The following KIAA0319L variants were observed in gnomAD, a reference collection of about 807,000 sequenced individuals.
KIAA0319L encodes the protein KIAA0319 like.
A neutral mutation model predicts 120.1 loss-of-function variants in KIAA0319L; 55 were observed. That is an observed-to-expected ratio of 0.46 (90% CI 0.37 to 0.57). The LOEUF is 0.57. Among genes scored for constraint, KIAA0319L ranks in the 20% least tolerant of loss-of-function variants. The pLI is 0.00. For synonymous variants in KIAA0319L, 398 were observed against 471.9 expected (o/e 0.84, Z 2.03); for missense variants, 1,049 against 1,255.3 (o/e 0.84, Z 2.48).
chr1:35,498,337 G>GA (rs1016859388), intron 3 of KIAA0319L, among the ~76,000 whole-genome samples: 201 of 138,954 alleles, frequency 1.4e-3, no homozygotes, highest in Admixed American at 1.8e-3. Flanking sequence ...CCCATCTCGG[G>GA]AAAAAAAAAA....
chr1:35,554,087 G>A (rs925182697), intron 2 of KIAA0319L, among the ~76,000 whole-genome samples: 1 of 152,144 alleles, frequency 6.6e-6, no homozygotes, highest in African/African-American at 2.4e-5. Flanking sequence ...GTCATTAAGT[G>A]GAAATACCCA....
intron 2 of KIAA0319L, among the ~76,000 whole-genome samples, chr1:35,531,991 T>C (rs916693343): frequency 2.0e-5 from 3 of 152,048 alleles, no homozygotes; most frequent in Non-Finnish European, 4.4e-5. Context: ...CCTGGCGCGG[T>C]TGCTCAGACC....
intron 3 of KIAA0319L, among the ~76,000 whole-genome samples, chr1:35,499,276 C>T (rs1405478683): frequency 1.5e-5 from 2 of 137,908 alleles, no homozygotes; most frequent in South Asian, 2.5e-4. Flanking sequence ...TCTAGCTAAC[C>T]CCCAAAGTGA....
intron 17 of KIAA0319L, 190 bp downstream of exon 17, chr1:35,443,971 G>A (rs1641420830): frequency 2.0e-5 from 9 of 457,198 alleles, no homozygotes; most frequent in Non-Finnish European, 3.4e-5. Context: ...ACGATCTCAG[G>A]GGCCCATGGG....
intron 4 of KIAA0319L, among the ~76,000 whole-genome samples, chr1:35,477,537 G>C (rs1643946277): frequency 6.6e-6 from 1 of 151,836 alleles, no homozygotes; most frequent in African/African-American, 2.4e-5. Flanking sequence ...CGTGGTGGTG[G>C]GCGCCTGTAG....
rs1286706480 is a variant in KIAA0319L at position 35,554,452 on chromosome 1, A to T, written c.40T>A (p.Trp14Arg). ...RLGVKPNPAS[W>R]ILSGYYWQTS... ...TGCCAATAATATCCTGATAAAATCCAGGAAGCAGGATTTGGCTTGACTCCC... is the reference window on the plus strand; with the variant it reads ...TGCCAATAATATCCTGATAAAATCCTGGAAGCAGGATTTGGCTTGACTCCC... Residue 14 changes from tryptophan to arginine, a missense_variant, in exon 2 of 21, where the codon TGG (tryptophan) becomes AGG (arginine). Trp to Arg is a moderately radical substitution (Grantham distance 101). Transcript: ENST00000325722. 1.2e-6 allele frequency: 2 copies of T among 1,613,248 alleles called. No homozygotes were observed. Among genetic ancestry groups the T allele is most frequent in the Non-Finnish European group, 8.5e-7 (1 of 1,179,738 alleles).
At chr1:35,462,823 G>T in intron 7 of KIAA0319L, 110 bp from the exon 8 acceptor site, 1 of 863,142 alleles carries the variant, frequency 1.2e-6, no homozygotes, top group Non-Finnish European at 1.8e-6. Context: ...GTGGTCCCTA[G>T]CCTTTTTGGC....
At chr1:35,458,514 G>A (rs1558332603) in intron 9 of KIAA0319L, among the ~76,000 whole-genome samples, 1 of 150,568 alleles carries the variant, frequency 6.6e-6, no homozygotes, top group African/African-American at 2.4e-5. Flanking sequence ...TGAAGGTTAG[G>A]AAAAAAAAAT....
At chr1:35,455,928 TCA>T in intron 10 of KIAA0319L, 83 bp downstream of exon 10, 3 of 1,036,282 alleles carry the variant, frequency 2.9e-6, no homozygotes, top group South Asian at 3.1e-5. Flanking sequence ...TAAAGCTTTC[TCA>T]GTTTGTTTGG....
intron 3 of KIAA0319L, among the ~76,000 whole-genome samples, chr1:35,486,269 A>T (rs1644380363): frequency 6.6e-6 from 1 of 151,452 alleles, no homozygotes; most frequent in African/African-American, 2.4e-5. Context: ...TTGTAATCCC[A>T]GCTACTTGGG....
At position 35,453,369 on chromosome 1, in the gene KIAA0319L, T is replaced by C. The variant is rs1642199346; in HGVS notation, c.1913+188A>G. ...ACTAGTTGATGGCAAGCATTCTTTT[T>C]TTCTTACAAAAATTATGATTATAAT... On this transcript the variant is annotated intron_variant, in intron 12 of 20. Transcript: ENST00000325722. This position sits in a 1 kb window ranked among gnomAD's most constrained non-coding sequence, Gnocchi z 4.1. Among the ~76,000 whole-genome samples the C allele has an allele frequency of 6.6e-6, 1 of 152,218 alleles. No individual in the cohort carries two copies. Among genetic ancestry groups the C allele is most frequent in the South Asian group, 2.1e-4 (1 of 4,832 alleles).
chr1:35,468,108 T>C (rs1039378625), intron 6 of KIAA0319L, among the ~76,000 whole-genome samples: 1 of 152,234 alleles, frequency 6.6e-6, no homozygotes, highest in Non-Finnish European at 1.5e-5. Context: ...TTTACTATTA[T>C]GACTAATGCT....
chr1:35,544,522 T>C (rs987286656), intron 2 of KIAA0319L, among the ~76,000 whole-genome samples: 3 of 152,130 alleles, frequency 2.0e-5, no homozygotes, highest in African/African-American at 7.2e-5. Context: ...CCAAAACTTG[T>C]TCCCTCTTGG....
intron 6 of KIAA0319L, 127 bp downstream of exon 6, chr1:35,470,736 T>G (rs1475757067): frequency 1.1e-5 from 7 of 654,362 alleles, no homozygotes; most frequent in Non-Finnish European, 1.9e-5. Context: ...CCAGTCAGAT[T>G]TTTGGAGGAT....
intron 20 of KIAA0319L, chr1:35,438,665 C>G (rs1640976942): frequency 6.6e-6 from 1 of 151,904 alleles, no homozygotes; most frequent in Admixed American, 6.6e-5. Context: ...CAGGCACCCA[C>G]CACCACGCCC....
intron 7 of KIAA0319L, among the ~76,000 whole-genome samples, chr1:35,464,414 A>G (rs1643111567): frequency 6.6e-6 from 1 of 152,216 alleles, no homozygotes; most frequent in South Asian, 2.1e-4. Context: ...CCCCGGCCCT[A>G]GAGATCTGCA....
chr1:35,455,709 T>C (rs1206827384), intron 10 of KIAA0319L, among the ~76,000 whole-genome samples: 1 of 151,168 alleles, frequency 6.6e-6, no homozygotes, highest in Non-Finnish European at 1.5e-5. Context: ...GCCTCCCAAG[T>C]AGCTGGGATT....
chr1:35,555,178 A>G (rs983904696), intron 1 of KIAA0319L, among the ~76,000 whole-genome samples: 8 of 152,198 alleles, frequency 5.3e-5, no homozygotes, highest in Non-Finnish European at 7.3e-5. Flanking sequence ...TTCCAGCAGA[A>G]AAACTCATTT....
intron 2 of KIAA0319L, among the ~76,000 whole-genome samples, chr1:35,515,597 C>T (rs1236999036): frequency 2.6e-5 from 4 of 152,116 alleles, no homozygotes; most frequent in Admixed American, 2.6e-4. Flanking sequence ...TAAATACCCA[C>T]ATCAAAAGGT....
Sources: gnomAD v4.1 joint callset for allele counts (sites outside exome capture counted in the v4.1 genomes callset) on GRCh38, gnomAD v4.1.1 for gene constraint, Gnocchi (gnomAD v3.1) non-coding constraint, MANE v1.5 for transcripts, NCBI Gene and HGNC (gene_info 2026-07-23, HGNC 2026-07-21) for gene names.